Variants in CSMD1 observed in about 807,000 individuals in gnomAD.
CSMD1 encodes the protein CUB and sushi domain-containing protein 1.
A neutral mutation model predicts 417.5 loss-of-function variants in CSMD1; 213 were observed. The observed-to-expected ratio is 0.51, with a 90% confidence interval of 0.46 to 0.57. The LOEUF is 0.57. Among genes scored for constraint, CSMD1 ranks in the 20% least tolerant of loss-of-function variants. The pLI, the probability that CSMD1 is intolerant of heterozygous loss-of-function variation, is 0.00. For synonymous variants in CSMD1, 2,862 were observed against 1,736.8 expected, an observed-to-expected ratio of 1.65 and a Z score of -16.11; for missense variants, 6,923 against 4,529.7, an observed-to-expected ratio of 1.53 and a Z score of -15.17.
intron 6 of CSMD1, among the ~76,000 whole-genome samples, chr8:3,715,061 C>A (rs1462684740): frequency 6.6e-6 from 1 of 152,122 alleles, no homozygotes; most frequent in Non-Finnish European, 1.5e-5. Context: ...TAATCCCCTT[C>A]CCCTCCAAAT....
At chr8:3,188,815 A>G (rs1276052500) in intron 35 of CSMD1, 72 bp downstream of exon 35, 6 of 1,317,314 alleles carry the variant, frequency 4.6e-6, no homozygotes, top group Admixed American at 3.2e-5. Flanking sequence ...AACATAGAAC[A>G]AAAGAATGAA....
At chr8:3,251,658 A>C (rs1045956652) in intron 26 of CSMD1, among the ~76,000 whole-genome samples, 2 of 152,214 alleles carry the variant, frequency 1.3e-5, no homozygotes, top group African/African-American at 4.8e-5. Flanking sequence ...CTTGGGCAGC[A>C]TGGGCATTTT....
chr8:4,228,528 C>A (rs138514026), intron 3 of CSMD1, among the ~76,000 whole-genome samples: 2 of 151,612 alleles, frequency 1.3e-5, no homozygotes, highest in African/African-American at 4.8e-5. Context: ...TGTATCTTGG[C>A]TCTTCTACAA....
chr8:3,053,556 G>T (rs1259607991), intron 49 of CSMD1, among the ~76,000 whole-genome samples: 2 of 152,156 alleles, frequency 1.3e-5, no homozygotes, highest in Non-Finnish European at 2.9e-5. Context: ...AGGGCAGAAG[G>T]CAGCATCTAG....
At chr8:3,166,213 T>A (rs1396458438) in intron 37 of CSMD1, among the ~76,000 whole-genome samples, 1 of 152,100 alleles carries the variant, frequency 6.6e-6, no homozygotes, top group Non-Finnish European at 1.5e-5. Context: ...TTAAAAAGAA[T>A]TATGTATGAT....
At chr8:3,451,803 T>C (rs1354953837) in intron 12 of CSMD1, among the ~76,000 whole-genome samples, 1 of 152,200 alleles carries the variant, frequency 6.6e-6, no homozygotes, top group Admixed American at 6.5e-5. Flanking sequence ...ATGCGGGCTC[T>C]TTTTTGGTTC....
intron 37 of CSMD1, among the ~76,000 whole-genome samples, chr8:3,175,507 G>GCCTGCCTGCCTGCCTGCCTGCCTTCCTT (rs149583717): frequency 1.6e-5 from 2 of 125,914 alleles, no homozygotes; most frequent in African/African-American, 6.0e-5. Context: ...CTGCCTGCCT[G>GCCTGCCTGCCTGCCTGCCTGCCTTCCTT]CCTTTTTTCC....
At chr8:3,635,793 CA>C (rs752552617) in intron 7 of CSMD1, among the ~76,000 whole-genome samples, 522 of 99,228 alleles carry the variant, frequency 5.3e-3, no homozygotes, top group African/African-American at 0.014. Context: ...GCTTCCATCT[CA>C]AAAAAAAAAA....
At chr8:3,855,980 T>A (rs1301077054) in intron 5 of CSMD1, among the ~76,000 whole-genome samples, 2 of 152,154 alleles carry the variant, frequency 1.3e-5, no homozygotes, top group African/African-American at 4.8e-5. Context: ...ATGATATCTG[T>A]CAGTATTAAT....
At chr8:3,371,096 T>G (rs966606796) in intron 18 of CSMD1, among the ~76,000 whole-genome samples, 55 of 152,336 alleles carry the variant, frequency 3.6e-4, no homozygotes, top group African/African-American at 1.1e-3. Flanking sequence ...AACATACATC[T>G]TCAGCTCCCC....
At chr8:4,298,359 G>T (rs551365136) in intron 3 of CSMD1, among the ~76,000 whole-genome samples, 6 of 152,170 alleles carry the variant, frequency 3.9e-5, no homozygotes, top group South Asian at 2.1e-4. Flanking sequence ...TCAGTTTACT[G>T]TAATAGTTTT....
intron 5 of CSMD1, among the ~76,000 whole-genome samples, chr8:3,803,559 G>T (rs868374982): frequency 6.6e-6 from 1 of 152,192 alleles, no homozygotes; most frequent in Admixed American, 6.5e-5. Flanking sequence ...GAGCCCACAG[G>T]TGGGAAAGGC....
At chr8:3,493,778 C>A (rs1337256334) in intron 10 of CSMD1, 52 bp from the exon 11 acceptor site, 4 of 1,455,806 alleles carry the variant, frequency 2.7e-6, no homozygotes, top group Admixed American at 1.9e-5. Flanking sequence ...CTTCCCATGA[C>A]TTTTAATAGG....
intron 25 of CSMD1, among the ~76,000 whole-genome samples, chr8:3,289,629 G>C (rs1180120005): frequency 6.8e-6 from 1 of 146,732 alleles, no homozygotes; most frequent in Non-Finnish European, 1.5e-5. Context: ...GTCTTCTTTT[G>C]AGAAGTGTCT....
In CSMD1 at chr8:4,171,868, T is replaced by C. The variant is rs558595656; in HGVS notation, c.416-139769A>G. Among the ~76,000 whole-genome samples, 50 of 152,324 alleles carry C rather than the reference T, an allele frequency of 3.3e-4. 1 individual carries two copies. Among genetic ancestry groups the C allele is most frequent in the East Asian group, 9.6e-4 (5 of 5,194 alleles). ...CCATTATGTGTGATTCTCTCATTAC[T>C]TACATCAAATACTTGAATGCAATTG... On this transcript the variant is annotated intron_variant, in intron 3 of 69. Transcript: ENST00000635120.
chr8:4,775,060 A>G lies in CSMD1; in HGVS notation c.86-137502T>C, dbSNP rs375919261. ...ACAATAGGAAATCAAGATATACAAGAGCAACAGAAGGAAAAATTTAAAAGG... is the reference window on the plus strand; with the variant it reads ...ACAATAGGAAATCAAGATATACAAGGGCAACAGAAGGAAAAATTTAAAAGG... On this transcript the variant is annotated intron_variant, in intron 1 of 69. Transcript: ENST00000635120. 1.5e-3 allele frequency among the ~76,000 whole-genome samples: 221 copies of G among 152,342 alleles called. 1 individual carries two copies. The highest frequency in any genetic ancestry group is 5.2e-3 in the African/African-American group (216 of 41,576).
intron 1 of CSMD1, among the ~76,000 whole-genome samples, chr8:4,688,325 G>T (rs571480177): frequency 6.6e-6 from 1 of 152,118 alleles, no homozygotes. Context: ...TGGGATGCAG[G>T]TCAAGTCACC....
rs139633372 is a variant in CSMD1, at chr8:4,035,238, G to C, written c.416-3139C>G. Among the ~76,000 whole-genome samples, 660 of 152,196 alleles carry C rather than the reference G, an allele frequency of 4.3e-3. 5 individuals carry two copies. The highest frequency in any genetic ancestry group is 6.8e-3 in the Middle Eastern group (2 of 294). ...CACGTGTCTGTGGTGACGCCGGTGTGAACAAACCACCTGTGCAGCCAGTCA... is the reference window on the plus strand; with the variant it reads ...CACGTGTCTGTGGTGACGCCGGTGTCAACAAACCACCTGTGCAGCCAGTCA... On this transcript the variant is annotated intron_variant, in intron 3 of 69. Transcript: ENST00000635120.
chr8:3,945,302 A>C (rs1029377194), intron 5 of CSMD1, among the ~76,000 whole-genome samples: 1 of 152,096 alleles, frequency 6.6e-6, no homozygotes, highest in Non-Finnish European at 1.5e-5. Flanking sequence ...TCACTAGTTT[A>C]ATAAGAAATT....
Sources: gnomAD v4.1 joint callset for allele counts (sites outside exome capture counted in the v4.1 genomes callset) on GRCh38, gnomAD v4.1.1 for gene constraint, MANE v1.5 for transcripts, NCBI Gene and HGNC (gene_info 2026-07-23, HGNC 2026-07-21) for gene names.